DSG3: variants seen among roughly 807,000 people sequenced by gnomAD.
The protein encoded by DSG3 is desmoglein-3.
In DSG3, 63 loss-of-function variants were observed where a neutral mutation model predicts 85.9. That is an observed-to-expected ratio of 0.73 (90% CI 0.60 to 0.90). The LOEUF is 0.90. Ranked by LOEUF, DSG3 falls within the 40% of genes least tolerant of loss-of-function variation. DSG3 has a pLI of 0.00. For missense variants in DSG3, 1,220 were observed against 1,219.9 expected, an observed-to-expected ratio of 1.00 and a Z score of 0.00; for synonymous variants, 447 against 441.9, an observed-to-expected ratio of 1.01 and a Z score of -0.14.
chr18:31,466,782 A>T lies in DSG3; in HGVS notation c.1636+28A>T, dbSNP rs1330561401. 6.4e-6 allele frequency: 10 copies of T among 1,571,118 alleles called. No individual in the cohort carries two copies. In the East Asian group the frequency reaches 2.2e-4, roughly 35 times the overall value. On this transcript the variant is annotated intron_variant, in intron 11 of 15. Coordinates refer to ENST00000257189, the MANE Select transcript of DSG3 (RefSeq NM_001944.3). Reference sequence around the variant, plus strand: ...GAGTAACAGTAAAGTTGCTTCTATAAATGCAAACTGCTCCTTTGTATTTCC... The same window carrying T: ...GAGTAACAGTAAAGTTGCTTCTATATATGCAAACTGCTCCTTTGTATTTCC...
At chr18:31,457,577 CTTTCTTTCT>C (rs1199675711) in intron 3 of DSG3, among the ~76,000 whole-genome samples, 1 of 78,620 alleles carries the variant, frequency 1.3e-5, no homozygotes, top group East Asian at 3.0e-4. Flanking sequence ...TTCTTTCTTT[CTTTCTTTCT>C]TCTTTCTTTC....
chr18:31,470,814 CACTT>C (rs1289621811), intron 12 of DSG3, among the ~76,000 whole-genome samples: 1 of 152,108 alleles, frequency 6.6e-6, no homozygotes, highest in Non-Finnish European at 1.5e-5. Context: ...GGCCAGAAAA[CACTT>C]AGTATTTTCT....
Position 31,466,675 on chromosome 18 carries a change from A to G in DSG3, c.1557A>G (p.Arg519=), listed in dbSNP as rs775849565. The G allele has an allele frequency of 6.2e-7, 1 of 1,614,200 alleles. No individual in the cohort carries two copies. The highest frequency in any genetic ancestry group is 8.5e-7 in the Non-Finnish European group (1 of 1,180,034). The change falls in exon 11 of 16, where the codon AGA becomes AGG. Residue 519 remains arginine, a synonymous_variant. Coordinates refer to ENST00000257189, the MANE Select transcript of DSG3 (RefSeq NM_001944.3). ...VVVSARTLNN[R]YTGPYTFALE... is the part of the protein sequence containing the mutation. Reference sequence around the variant, plus strand: ...TCTCCGCTAGAACACTGAATAATAGATACACTGGCCCCTATACATTTGCAC... The same window carrying G: ...TCTCCGCTAGAACACTGAATAATAGGTACACTGGCCCCTATACATTTGCAC...
intron 11 of DSG3, among the ~76,000 whole-genome samples, 200 bp from the exon 12 acceptor site, chr18:31,468,889 C>A (rs1447654108): frequency 6.6e-6 from 1 of 152,140 alleles, no homozygotes; most frequent in Non-Finnish European, 1.5e-5. Flanking sequence ...CTTCCACCTT[C>A]CACCGTGGGA....
In DSG3 at chr18:31,457,050, A is replaced by G. The variant is rs150234659; in HGVS notation, c.142A>G (p.Lys48Glu). ...MTMQQAKRRQ[K>E]REWVKFAKPC... ...TATGCAACAAGCTAAAAGAAGGCAA[A>G]AACGTGAATGGGTGAAATTTGCCAA... Residue 48 changes from lysine to glutamate, a missense_variant, in exon 3 of 16, where the codon AAA becomes GAA. Physicochemically the swap from Lys to Glu is moderately conservative, Grantham distance 56. Coordinates refer to ENST00000257189, the MANE Select transcript of DSG3 (RefSeq NM_001944.3). 9.3e-5 allele frequency: 150 copies of G among 1,613,446 alleles called. No individual in the cohort carries two copies. Among genetic ancestry groups the G allele is most frequent in the Non-Finnish European group, 1.3e-4 (148 of 1,179,760 alleles).
intron 4 of DSG3, 48 bp from the exon 5 acceptor site, chr18:31,458,985 T>C (rs1320584243): frequency 7.5e-6 from 12 of 1,598,504 alleles, no homozygotes; most frequent in South Asian, 1.1e-5. Flanking sequence ...TTTAATAGTA[T>C]GAAAACTGAT....
At position 31,475,826 on chromosome 18, in the gene DSG3, C is replaced by G. The variant is rs771266691; in HGVS notation, c.2566C>G (p.Leu856Val). Residue 856 changes from leucine to valine, a missense_variant, in exon 16 of 16, where the codon CTT becomes GTT. By Grantham distance (32) the Leu-to-Val change is conservative. Transcript: ENST00000257189. ...LDSLGPKFKKLAEISLGVDGE... is the reference protein window; with the variant it reads ...LDSLGPKFKKVAEISLGVDGE... ...CTCACTTGGACCCAAATTTAAAAAA[C>G]TTGCAGAGATAAGCCTTGGTGTTGA... 4.0e-5 allele frequency: 65 copies of G among 1,614,058 alleles called. No individual in the cohort carries two copies. Among genetic ancestry groups the G allele is most frequent in the Admixed American group, 2.3e-4 (14 of 59,992 alleles).
intron 1 of DSG3, among the ~76,000 whole-genome samples, chr18:31,452,517 CAAAAAAAAAA>C (rs35886860): frequency 4.8e-4 from 25 of 51,830 alleles, no homozygotes; most frequent in Admixed American, 3.7e-3. Context: ...GACTCCGTCT[CAAAAAAAAAA>C]AAAAAAAAAA....
intron 1 of DSG3, among the ~76,000 whole-genome samples, chr18:31,450,060 A>C (rs951346785): frequency 6.6e-6 from 1 of 152,164 alleles, no homozygotes; most frequent in Non-Finnish European, 1.5e-5. Context: ...CCTTTTAAAA[A>C]CGTTTTAAAT....
rs1329508422 is a variant in DSG3, at chr18:31,478,441, T to C, written c.*2181T>C. 2.0e-5 allele frequency: 3 copies of C among 152,164 alleles called. No individual in the cohort carries two copies. The highest frequency in any genetic ancestry group is 2.9e-5 in the Non-Finnish European group (2 of 68,036). The allele number at this position is 152,164 out of a possible 1,614,324, so 9.4% of individuals were successfully genotyped here. A position where few individuals can be genotyped will look rare whatever the true frequency, so the allele number is the denominator to read the frequency against. On this transcript the variant is annotated 3_prime_UTR_variant, in exon 16 of 16. Transcript: ENST00000257189. Reference sequence around the variant, plus strand: ...TTAAACTGTAGTGGAAACCATGCTATAGTAATAAAGGTTATATAAGAGAGA... The same window carrying C: ...TTAAACTGTAGTGGAAACCATGCTACAGTAATAAAGGTTATATAAGAGAGA...
At chr18:31,448,477 C>G (rs1035490449) in intron 1 of DSG3, among the ~76,000 whole-genome samples, 4 of 151,840 alleles carry the variant, frequency 2.6e-5, no homozygotes, top group African/African-American at 9.7e-5. Context: ...AAAATGTCAG[C>G]CTTTGGGGAT....
intron 8 of DSG3, among the ~76,000 whole-genome samples, chr18:31,463,530 A>G (rs1232541184): frequency 6.6e-6 from 1 of 152,214 alleles, no homozygotes; most frequent in Non-Finnish European, 1.5e-5. Flanking sequence ...ACAAATGGCT[A>G]TCATGCAAGA....
intron 15 of DSG3, among the ~76,000 whole-genome samples, chr18:31,475,142 A>G (rs1030096899): frequency 6.6e-6 from 1 of 152,220 alleles, no homozygotes; most frequent in Non-Finnish European, 1.5e-5. Flanking sequence ...GAAAACAAAG[A>G]AGACTTTGAA....
Position 31,477,256 on chromosome 18 carries a change from C to G in DSG3, c.*996C>G, listed in dbSNP as rs1349674680. On this transcript the variant is annotated 3_prime_UTR_variant, in exon 16 of 16. Transcript: ENST00000257189. ...TTTTAATCCCTTTGAAGGGATCTATCCAAAGAAAATATTTTACACTGAGCT... is the reference window on the plus strand; with the variant it reads ...TTTTAATCCCTTTGAAGGGATCTATGCAAAGAAAATATTTTACACTGAGCT... The G allele has an allele frequency of 6.6e-6, 1 of 152,100 alleles. No homozygotes were observed. The highest frequency in any genetic ancestry group is 1.5e-5 in the Non-Finnish European group (1 of 68,020). The allele number at this position is 152,100 out of a possible 1,614,324, so 9.4% of individuals were successfully genotyped here.
rs183982262 is a variant in DSG3 at position 31,467,941 on chromosome 18, A to G, written c.1637-1148A>G. ...TTTGCTCCAAATGAGTTTACTGGAT[A>G]CGTGGCCAATGAAGAGGCTGCCAAA... On this transcript the variant is annotated intron_variant, in intron 11 of 15. Transcript: ENST00000257189. Among the ~76,000 whole-genome samples, 3 of 152,340 alleles carry G rather than the reference A, an allele frequency of 2.0e-5. No individual in the cohort carries two copies. In the East Asian group the frequency reaches 5.8e-4, roughly 29 times the overall value.
chr18:31,474,613 G>C (rs548879113), intron 15 of DSG3, among the ~76,000 whole-genome samples: 35 of 152,304 alleles, frequency 2.3e-4, no homozygotes, highest in African/African-American at 7.9e-4. Flanking sequence ...ATGGGAGCCA[G>C]GCACAGTGGT....
Position 31,459,093 on chromosome 18 carries a change from G to A in DSG3, c.433G>A (p.Val145Ile). ...LDVEKPLILT[V>I]KILDINDNPP... ...TGTAGAGAAACCACTTATACTAACGGTTAAAATTTTGGATATTAATGATAA... is the reference window on the plus strand; with the variant it reads ...TGTAGAGAAACCACTTATACTAACGATTAAAATTTTGGATATTAATGATAA... The change falls in exon 5 of 16, where the codon GTT becomes ATT. Residue 145 changes from valine (V) to isoleucine (I), a missense_variant. Physicochemically the swap from Val to Ile is conservative, Grantham distance 29. Coordinates refer to ENST00000257189, the MANE Select transcript of DSG3 (RefSeq NM_001944.3). 6.2e-7 allele frequency: 1 copy of A among 1,613,516 alleles called. No homozygotes were observed. The highest frequency in any genetic ancestry group is 8.5e-7 in the Non-Finnish European group (1 of 1,179,898).
Position 31,461,317 on chromosome 18 carries a change from C to T in DSG3, c.904C>T (p.Leu302Phe). Residue 302 changes from leucine to phenylalanine, a missense_variant, in exon 8 of 16, where the codon CTT becomes TTT. By Grantham distance (22) the Leu-to-Phe change is conservative. Transcript: ENST00000257189. ...GGATGAAGAGTACACAGATAATTGG[C>T]TTGCAGTATATTTCTTTACCTCTGG... The part of the protein sequence containing the change: ...DLDEEYTDNW[L>F]AVYFFTSGNE... 1 of 1,613,380 alleles carries T rather than the reference C, an allele frequency of 6.2e-7. No individual in the cohort carries two copies. The highest frequency in any genetic ancestry group is 8.5e-7 in the Non-Finnish European group (1 of 1,179,538).
At chr18:31,452,517 CAAAAAAAAAAAAAAA>C (rs35886860) in intron 1 of DSG3, among the ~76,000 whole-genome samples, 1 of 51,834 alleles carries the variant, frequency 1.9e-5, no homozygotes, top group Non-Finnish European at 4.1e-5. Context: ...GACTCCGTCT[CAAAAAAAAAAAAAAA>C]AAAAAAAAAA....
Sources: allele counts gnomAD v4.1 joint callset (sites outside exome capture counted in the v4.1 genomes callset), GRCh38; gene constraint gnomAD v4.1.1; transcripts MANE v1.5; gene names NCBI Gene and HGNC (gene_info 2026-07-23, HGNC 2026-07-21).